Variants in TACC1 observed in about 807,000 individuals in gnomAD.
TACC1 encodes transforming acidic coiled-coil-containing protein 1.
In TACC1, 48 loss-of-function variants were observed where a neutral mutation model predicts 84.4. The observed-to-expected ratio is 0.57, with a 90% CI of 0.45 to 0.72. The LOEUF (loss-of-function observed/expected upper bound fraction) is 0.72, where lower values mean the gene tolerates loss of function less well. TACC1 is among the 30% of genes least tolerant of loss of function. The pLI is 0.00. For synonymous variants in TACC1, 372 were observed against 376.3 expected, an observed-to-expected ratio of 0.99 and a Z score of 0.13; for missense variants, 920 against 973.0, an observed-to-expected ratio of 0.95 and a Z score of 0.72.
chr8:38,849,401 A>G lies in TACC1; in HGVS notation c.*1378A>G, dbSNP rs955766596. On this transcript the variant is annotated 3_prime_UTR_variant, in exon 13 of 13. Transcript: ENST00000317827. Reference sequence around the variant, plus strand: ...TCTCAATGAATTCCCTTTCATTTGAATAGGCAAACCCAAATCCATGCAAGT... The same window carrying G: ...TCTCAATGAATTCCCTTTCATTTGAGTAGGCAAACCCAAATCCATGCAAGT... 6 of 152,334 alleles carry G rather than the reference A, an allele frequency of 3.9e-5. No homozygotes were observed. Among genetic ancestry groups the G allele is most frequent in the Non-Finnish European group, 5.9e-5 (4 of 68,022 alleles). 9.4% of individuals were successfully genotyped at this position (152,334 alleles called of 1,614,324 possible).
chr8:38,808,985 G>A (rs1387872820), intron 2 of TACC1, among the ~76,000 whole-genome samples: 1 of 151,932 alleles, frequency 6.6e-6, no homozygotes, highest in Non-Finnish European at 1.5e-5. Flanking sequence ...ACTTGGTATA[G>A]GGCTGGGCAA....
chr8:38,735,207 C>T (rs1805734317), intron 1 of TACC1, among the ~76,000 whole-genome samples: 1 of 152,222 alleles, frequency 6.6e-6, no homozygotes, highest in African/African-American at 2.4e-5. Context: ...ATTCGAAACC[C>T]TTCATTTCAC....
rs990071097 is a variant in TACC1 at position 38,771,358 on chromosome 8, G to C, written c.27-17346G>C. 3.3e-5 allele frequency among the ~76,000 whole-genome samples: 5 copies of C among 152,182 alleles called. No homozygotes were observed. In the East Asian group the frequency reaches 9.6e-4, roughly 29 times the overall value. The stretch of plus-strand genomic sequence containing the variant: ...ACAAGGACAGAAAATCCCTCTTCCA[G>C]CTGTGATTTGGCTGTGAGTTTGGCG... On this transcript the variant is annotated intron_variant, in intron 3 of 14. Coordinates refer to the TACC1 transcript ENST00000518415.
Position 38,830,598 on chromosome 8 carries a change from C to G in TACC1, c.1661-527C>G, listed in dbSNP as rs928343125. ...TGGTTATTTTAAATGTCATCCTCTA[C>G]CCTAGTAGAGTAGAGGATAGACCTG... is the stretch of plus-strand genomic sequence containing the variant. On this transcript the variant is annotated intron_variant, in intron 5 of 12. Coordinates refer to ENST00000317827, the MANE Select transcript of TACC1 (RefSeq NM_006283.3). Among the ~76,000 whole-genome samples the G allele has an allele frequency of 3.9e-5, 6 of 152,024 alleles. No homozygotes were observed. The East Asian group carries it at 1.2e-3, about 29-fold the overall frequency.
rs1316435855 is a variant in TACC1 at position 38,851,184 on chromosome 8, T to G, written c.*3161T>G. 1.3e-5 allele frequency: 2 copies of G among 152,232 alleles called. No individual in the cohort carries two copies. Among genetic ancestry groups the G allele is most frequent in the Non-Finnish European group, 2.9e-5 (2 of 68,066 alleles). 9.4% of individuals were successfully genotyped at this position (152,232 alleles called of 1,614,324 possible). On this transcript the variant is annotated 3_prime_UTR_variant, in exon 13 of 13. Transcript: ENST00000317827. Reference sequence around the variant, plus strand: ...CACATGATGGTGAAAAACCTAGGATTTGGCAGCCTTCCAGAATGGTATGGA... The same window carrying G: ...CACATGATGGTGAAAAACCTAGGATGTGGCAGCCTTCCAGAATGGTATGGA...
intron 2 of TACC1, among the ~76,000 whole-genome samples, chr8:38,810,272 C>T (rs1337407966): frequency 6.6e-6 from 1 of 152,002 alleles, no homozygotes; most frequent in Non-Finnish European, 1.5e-5. Flanking sequence ...TTTTATCTTA[C>T]ATTAGATTCA....
intron 2 of TACC1, among the ~76,000 whole-genome samples, chr8:38,794,917 G>A (rs1049664659): frequency 1.3e-5 from 2 of 152,162 alleles, no homozygotes; most frequent in Non-Finnish European, 2.9e-5. Context: ...AATTTTTAAT[G>A]TTTTGCTGTG....
At chr8:38,839,078 G>A (rs1347533954) in intron 8 of TACC1, among the ~76,000 whole-genome samples, 3 of 152,044 alleles carry the variant, frequency 2.0e-5, no homozygotes, top group Admixed American at 2.0e-4. Flanking sequence ...TTTTAGAGAT[G>A]AGGTCTCGCT....
rs2152344875 is a variant in TACC1 at position 38,848,932 on chromosome 8, A to T, written c.*909A>T. 6.6e-6 allele frequency: 1 copy of T among 151,754 alleles called. No homozygotes were observed. Among genetic ancestry groups the T allele is most frequent in the Non-Finnish European group, 1.5e-5 (1 of 67,930 alleles). The allele number at this position is 151,754 out of a possible 1,614,324, so 9.4% of individuals were successfully genotyped here. ...TACTCTCCTCTGCCTCCATTTGTTA[A>T]TACAGAATCAACATTTAGTCTTCAT... On this transcript the variant is annotated 3_prime_UTR_variant, in exon 13 of 13. Transcript: ENST00000317827.
At chr8:38,749,404 A>G (rs1436732292) in intron 3 of TACC1, among the ~76,000 whole-genome samples, 2 of 152,246 alleles carry the variant, frequency 1.3e-5, no homozygotes, top group Non-Finnish European at 2.9e-5. Context: ...GCATGATTTT[A>G]TGATGCAGTA....
intron 2 of TACC1, among the ~76,000 whole-genome samples, chr8:38,810,607 AAAAT>A (rs1823860481): frequency 6.6e-6 from 1 of 152,112 alleles, no homozygotes; most frequent in African/African-American, 2.4e-5. Context: ...CTGTCTCCAA[AAAAT>A]AAATAAATAT....
chr8:38,775,323 TA>T (rs911161112), intron 3 of TACC1, among the ~76,000 whole-genome samples: 12 of 152,230 alleles, frequency 7.9e-5, no homozygotes, highest in African/African-American at 2.7e-4. Flanking sequence ...CCTTTCCAGC[TA>T]AAAATTTCTG....
At chr8:38,770,227 A>C (rs114825301) in intron 3 of TACC1, among the ~76,000 whole-genome samples, 4,095 of 152,062 alleles carry the variant, frequency 0.027, 177 homozygotes, top group African/African-American at 0.094. Flanking sequence ...TTGTGGTGTC[A>C]CTATAGCTGA....
At chr8:38,818,571 T>C (rs1171466065) in intron 2 of TACC1, among the ~76,000 whole-genome samples, 1 of 152,176 alleles carries the variant, frequency 6.6e-6, no homozygotes, top group Non-Finnish European at 1.5e-5. Context: ...AAAGAAAAAA[T>C]AACTTTATTG....
rs574881160 is a variant in TACC1, at chr8:38,837,922, A to G, written c.1840-548A>G. On this transcript the variant is annotated intron_variant, in intron 7 of 12. Transcript: ENST00000317827. ...CAGGCTAACTAGCAAGACTCTACCC[A>G]TAAGTGACGGATGCTATAGCTAGAT... Among the ~76,000 whole-genome samples, 8 of 152,364 alleles carry G rather than the reference A, an allele frequency of 5.3e-5. No individual in the cohort carries two copies. The East Asian group carries it at 1.3e-3, about 26-fold the overall frequency.
intron 1 of TACC1, among the ~76,000 whole-genome samples, chr8:38,732,307 T>G (rs1358010226): frequency 6.6e-6 from 1 of 151,960 alleles, no homozygotes; most frequent in African/African-American, 2.4e-5. Flanking sequence ...TATGTTTTTT[T>G]CTTGTTTTTT....
At chr8:38,789,724 G>C (rs1265565671) in intron 2 of TACC1, among the ~76,000 whole-genome samples, 1 of 152,154 alleles carries the variant, frequency 6.6e-6, no homozygotes, top group Non-Finnish European at 1.5e-5. Context: ...TTCCTGAGGT[G>C]GGAACCCTTC....
At chr8:38,737,295 C>T (rs1806151317) in intron 1 of TACC1, among the ~76,000 whole-genome samples, 1 of 152,186 alleles carries the variant, frequency 6.6e-6, no homozygotes, top group Non-Finnish European at 1.5e-5. Flanking sequence ...CCAATAGTTT[C>T]ATTTACTGAA....
At chr8:38,840,802 C>A (rs190213469) in intron 9 of TACC1, among the ~76,000 whole-genome samples, 39 of 152,304 alleles carry the variant, frequency 2.6e-4, no homozygotes, top group African/African-American at 8.2e-4. Context: ...GTAATCCCAG[C>A]ACTTTGGGAG....
Sources: allele counts gnomAD v4.1 joint callset (sites outside exome capture counted in the v4.1 genomes callset), GRCh38; gene constraint gnomAD v4.1.1; transcripts MANE v1.5; gene names NCBI Gene and HGNC (gene_info 2026-07-23, HGNC 2026-07-21).